The following TTC23 variants were observed in gnomAD, a reference collection of about 807,000 sequenced individuals.
TTC23 encodes the protein tetratricopeptide repeat protein 23.
TTC23 carries 58 observed loss-of-function variants against 55.1 expected under a neutral mutation model. The ratio of observed to expected loss-of-function variants is 1.05; its 90% CI spans 0.85 to 1.31. The LOEUF is 1.31. Among genes scored for constraint, TTC23 ranks in the 50% most tolerant of loss-of-function variants. TTC23 has a pLI of 0.00. For synonymous variants in TTC23, 203 were observed against 199.9 expected, an observed-to-expected ratio of 1.02 and a Z score of -0.13; for missense variants, 516 against 534.4, an observed-to-expected ratio of 0.97 and a Z score of 0.34.
Position 99,200,116 on chromosome 15 carries a change from T to G in TTC23, c.582-20A>C, listed in dbSNP as rs2076080604. 22 of 1,542,258 alleles carry G rather than the reference T, an allele frequency of 1.4e-5. No individual in the cohort carries two copies. The African/African-American group carries it at 1.8e-4, about 13-fold the overall frequency. ...TACACCCTAAAAAAATCAAAGGAAT[T>G]ATTTTATTTAATAATTAAAATAGAA... is the stretch of plus-strand genomic sequence containing the variant. On this transcript the variant is annotated intron_variant, in intron 8 of 13. Transcript: ENST00000394132.
At chr15:99,155,061 A>T (rs2070350299) in intron 12 of TTC23, among the ~76,000 whole-genome samples, 1 of 152,236 alleles carries the variant, frequency 6.6e-6, no homozygotes, top group Admixed American at 6.5e-5. Context: ...AAAACCTGGG[A>T]GACTCAATGA....
chr15:99,156,479 C>T (rs901657198), intron 11 of TTC23, among the ~76,000 whole-genome samples, 182 bp from the exon 12 acceptor site: 1 of 152,178 alleles, frequency 6.6e-6, no homozygotes. Context: ...TTTATAAAGC[C>T]AAGAAGTTTA....
Position 99,175,040 on chromosome 15 carries a change from T to C in TTC23, c.865+10A>G. The C allele has an allele frequency of 6.2e-7, 1 of 1,612,480 alleles. No individual in the cohort carries two copies. Among genetic ancestry groups the C allele is most frequent in the Non-Finnish European group, 8.5e-7 (1 of 1,178,858 alleles). On this transcript the variant is annotated intron_variant, in intron 10 of 13. Transcript: ENST00000394132. ...CCTGTGAGACAGGAAGAGAAAAGGA[T>C]TCTTCTCACCATGGTGCTCGTGTCT...
At chr15:99,195,888 G>T (rs1395784153) in intron 9 of TTC23, among the ~76,000 whole-genome samples, 1 of 148,490 alleles carries the variant, frequency 6.7e-6, no homozygotes, top group African/African-American at 2.5e-5. Context: ...AAAAAGAAAA[G>T]AAAAGCCTAT....
intron 4 of TTC23, among the ~76,000 whole-genome samples, chr15:99,232,727 A>G (rs1458602740): frequency 6.6e-6 from 1 of 152,196 alleles, no homozygotes; most frequent in Non-Finnish European, 1.5e-5. Flanking sequence ...GAACACAGTA[A>G]GGAAGTTTCT....
chr15:99,175,902 C>T (rs938568291), intron 9 of TTC23, among the ~76,000 whole-genome samples: 4 of 152,004 alleles, frequency 2.6e-5, no homozygotes, highest in Non-Finnish European at 4.4e-5. Context: ...GGCTGAGGCA[C>T]GAGAACAGCT....
rs577355467 is a variant in TTC23, at chr15:99,164,822, G to A, written c.866-2955C>T. 1.9e-4 allele frequency among the ~76,000 whole-genome samples: 29 copies of A among 152,210 alleles called. No homozygotes were observed. In the South Asian group the frequency reaches 6.0e-3, roughly 32 times the overall value. On this transcript the variant is annotated intron_variant, in intron 10 of 13. Coordinates refer to ENST00000394132, the MANE Select transcript of TTC23 (RefSeq NM_001288615.3). Reference sequence around the variant, plus strand: ...TCAGGTACAGCTCTCTAGAACACACGAGGATCAAAAATCCAATCAGCCCCT... The same window carrying A: ...TCAGGTACAGCTCTCTAGAACACACAAGGATCAAAAATCCAATCAGCCCCT...
chr15:99,216,392 T>C (rs1031143524), intron 8 of TTC23, among the ~76,000 whole-genome samples: 13 of 152,170 alleles, frequency 8.5e-5, no homozygotes, highest in Non-Finnish European at 1.5e-4. Flanking sequence ...TGAAAATGAA[T>C]GGATTTGAGT....
At chr15:99,170,402 T>G (rs1210319359) in intron 10 of TTC23, among the ~76,000 whole-genome samples, 1 of 152,144 alleles carries the variant, frequency 6.6e-6, no homozygotes, top group East Asian at 1.9e-4. Context: ...AATTATTTTC[T>G]TCAAAAATCA....
chr15:99,139,299 T>A lies in TTC23; in HGVS notation c.1226+18A>T. The A allele has an allele frequency of 6.2e-7, 1 of 1,609,378 alleles. No homozygotes were observed. The highest frequency in any genetic ancestry group is 8.5e-7 in the Non-Finnish European group (1 of 1,179,898). ...GAAAGGGAATGAGATAGAGAAAGTG[T>A]GAGGGACGCCAACTCACGTGGACAG... On this transcript the variant is annotated intron_variant, in intron 13 of 13. Coordinates refer to ENST00000394132, the MANE Select transcript of TTC23 (RefSeq NM_001288615.3).
intron 6 of TTC23, among the ~76,000 whole-genome samples, chr15:99,220,012 G>A (rs2077789997): frequency 7.9e-6 from 1 of 127,364 alleles, no homozygotes; most frequent in African/African-American, 2.6e-5. Flanking sequence ...GCACAGACAT[G>A]TATTAGTGCC....
rs201119354 is a variant in TTC23, at chr15:99,167,600, A to G, written c.866-5733T>C. ...CCATGTCATTCCAAAAGACCCTGAA[A>G]GATTCTGTGTAGAGATGTACGTATA... On this transcript the variant is annotated intron_variant, in intron 10 of 13. Coordinates refer to ENST00000394132, the MANE Select transcript of TTC23 (RefSeq NM_001288615.3). Among the ~76,000 whole-genome samples, 9 of 152,330 alleles carry G rather than the reference A, an allele frequency of 5.9e-5. No individual in the cohort carries two copies. In the East Asian group the frequency reaches 1.7e-3, roughly 29 times the overall value.
Position 99,201,210 on chromosome 15 carries a change from G to A in TTC23, c.582-1114C>T, listed in dbSNP as rs573093278. 3.7e-4 allele frequency among the ~76,000 whole-genome samples: 57 copies of A among 152,252 alleles called. 1 individual carries two copies. In the South Asian group the frequency reaches 0.012, roughly 31 times the overall value. On this transcript the variant is annotated intron_variant, in intron 8 of 13. Transcript: ENST00000394132. Reference sequence around the variant, plus strand: ...AGAAATTATAAGTAAAGGTGGCAGTGCGAAAATATTTCTATACCTTCTTAG... The same window carrying A: ...AGAAATTATAAGTAAAGGTGGCAGTACGAAAATATTTCTATACCTTCTTAG...
At chr15:99,225,237 G>A (rs1226445349) in intron 5 of TTC23, among the ~76,000 whole-genome samples, 2 of 152,148 alleles carry the variant, frequency 1.3e-5, no homozygotes, top group East Asian at 3.8e-4. Flanking sequence ...TACAAGGCAT[G>A]GTCCAAATAT....
rs1021040517 is a variant in TTC23 at position 99,237,131 on chromosome 15, G to A, written c.-113-2051C>T. On this transcript the variant is annotated intron_variant, in intron 3 of 13. Coordinates refer to ENST00000394132, the MANE Select transcript of TTC23 (RefSeq NM_001288615.3). Reference sequence around the variant, plus strand: ...TGAGTAGCTGGGATTACAGGCGCCCGCCACCATGCCCAGCTAACTTTTGTA... The same window carrying A: ...TGAGTAGCTGGGATTACAGGCGCCCACCACCATGCCCAGCTAACTTTTGTA... 9.9e-5 allele frequency among the ~76,000 whole-genome samples: 15 copies of A among 152,058 alleles called. No individual in the cohort carries two copies. In the South Asian group the frequency reaches 2.5e-3, roughly 25 times the overall value.
intron 3 of TTC23, among the ~76,000 whole-genome samples, chr15:99,235,670 C>T (rs1025684480): frequency 2.0e-5 from 3 of 152,150 alleles, no homozygotes; most frequent in African/African-American, 7.2e-5. Context: ...GTGCCCGGAC[C>T]ATTTTAACCA....
At chr15:99,204,933 G>T (rs1278337774) in intron 8 of TTC23, among the ~76,000 whole-genome samples, 2 of 152,070 alleles carry the variant, frequency 1.3e-5, no homozygotes, top group Non-Finnish European at 2.9e-5. Context: ...CCACTGCCTG[G>T]CCAGATTTAA....
chr15:99,240,884 A>T (rs539123808), intron 3 of TTC23, among the ~76,000 whole-genome samples: 155 of 152,330 alleles, frequency 1.0e-3, no homozygotes, highest in African/African-American at 3.6e-3. Context: ...ATGCCAAAAA[A>T]AATGTACGTC....
At chr15:99,197,884 C>G (rs1189394369) in intron 9 of TTC23, among the ~76,000 whole-genome samples, 1 of 149,556 alleles carries the variant, frequency 6.7e-6, no homozygotes. Context: ...GCCTGGGCAA[C>G]AGAGCAAGAC....
Sources: allele counts gnomAD v4.1 joint callset (sites outside exome capture counted in the v4.1 genomes callset), GRCh38; gene constraint gnomAD v4.1.1; transcripts MANE v1.5; gene names NCBI Gene and HGNC (gene_info 2026-07-23, HGNC 2026-07-21).